Variants in RALGDS observed in about 807,000 individuals in gnomAD.
RALGDS encodes ral guanine nucleotide dissociation stimulator.
In RALGDS, 44 loss-of-function variants were observed where a neutral mutation model predicts 99.8. The ratio of observed to expected loss-of-function variants is 0.44; its 90% confidence interval spans 0.35 to 0.57. The LOEUF (loss-of-function observed/expected upper bound fraction) is 0.57, where lower values mean the gene tolerates loss of function less well. Ranked by LOEUF, RALGDS falls within the 20% of genes least tolerant of loss-of-function variation. The probability of loss-of-function intolerance (pLI) is 0.01; values close to 1 mark genes in which losing one functional copy is unlikely to be tolerated. For synonymous variants in RALGDS, 529 were observed against 505.0 expected, an observed-to-expected ratio of 1.05 and a Z score of -0.64; for missense variants, 1,022 against 1,203.1, an observed-to-expected ratio of 0.85 and a Z score of 2.23.
rs1401542703 is a variant in RALGDS, at chr9:133,107,085, C to T, written c.1413G>A (p.Arg471=). Residue 471 remains arginine, a splice_region_variant and synonymous_variant, in exon 7 of 18, where the codon AGG becomes AGA. Coordinates refer to ENST00000372050, the MANE Select transcript of RALGDS (RefSeq NM_006266.4). ...GGCCCAGGCCCCTCCTCTGGCATAC[C>T]CTGGCCACCTCGATCCAGTGCTCCA... The part of the protein sequence containing the change: ...RVVEHWIEVA[R]ECRILKNFSS... The T allele has an allele frequency of 6.2e-7, 1 of 1,613,400 alleles. No homozygotes were observed. The highest frequency in any genetic ancestry group is 2.2e-5 in the East Asian group (1 of 44,886).
intron 10 of RALGDS, 38 bp downstream of exon 10, chr9:133,104,225 C>T: frequency 1.3e-6 from 2 of 1,583,596 alleles, no homozygotes; most frequent in Admixed American, 1.7e-5. Flanking sequence ...TACCCCCAGG[C>T]CAGCCCCCTG....
chr9:133,099,999 T>C, intron 17 of RALGDS: 1 of 533,886 alleles, frequency 1.9e-6, no homozygotes, highest in South Asian at 2.1e-5. Context: ...GTGGCTAACC[T>C]GTCCCAGTGA....
chr9:133,103,880 C>T (rs991782670), intron 10 of RALGDS, 47 bp from the exon 11 acceptor site: 1 of 1,565,818 alleles, frequency 6.4e-7, no homozygotes. Context: ...CCCCTGAAGG[C>T]TTTCTCAGCC....
At chr9:133,136,915 G>A (rs1426048101) in intron 1 of RALGDS, among the ~76,000 whole-genome samples, 1 of 152,094 alleles carries the variant, frequency 6.6e-6, no homozygotes, top group Non-Finnish European at 1.5e-5. Context: ...CTCCAGCCTA[G>A]GCGACAGAGC....
intron 1 of RALGDS, among the ~76,000 whole-genome samples, chr9:133,143,771 T>TAATAATAATAACAAC (rs1554745676): frequency 7.2e-5 from 8 of 111,606 alleles, no homozygotes; most frequent in South Asian, 5.9e-4. Flanking sequence ...ATAATAATAA[T>TAATAATAATAACAAC]AACAACAACA....
intron 3 of RALGDS, among the ~76,000 whole-genome samples, chr9:133,109,985 G>A (rs73662452): frequency 0.039 from 5,878 of 152,188 alleles, 387 homozygotes; most frequent in African/African-American, 0.13. Flanking sequence ...AAACTGCTTC[G>A]CCCAAGGCCA....
At chr9:133,145,280 C>T (rs1008588866) in intron 1 of RALGDS, among the ~76,000 whole-genome samples, 1 of 152,214 alleles carries the variant, frequency 6.6e-6, no homozygotes, top group Non-Finnish European at 1.5e-5. Flanking sequence ...GAATCAACCA[C>T]GACCACAGGA....
intron 1 of RALGDS, among the ~76,000 whole-genome samples, chr9:133,112,758 G>A (rs1831412170): frequency 6.6e-6 from 1 of 152,192 alleles, no homozygotes. Flanking sequence ...GCCCAGGTCT[G>A]GGCAGGTGTG....
intron 11 of RALGDS, 35 bp from the exon 12 acceptor site, chr9:133,103,297 G>A (rs1384755224): frequency 6.2e-7 from 1 of 1,613,364 alleles, no homozygotes. Flanking sequence ...GTCAGAAAGT[G>A]ACCCCTTGAC....
chr9:133,137,212 G>A (rs1299955808), intron 1 of RALGDS, among the ~76,000 whole-genome samples: 2 of 152,232 alleles, frequency 1.3e-5, no homozygotes, highest in African/African-American at 2.4e-5. Context: ...CAGCCTGGGC[G>A]ACAGAGCAAG....
chr9:133,115,381 C>T (rs1272993390), intron 1 of RALGDS, among the ~76,000 whole-genome samples: 3 of 152,188 alleles, frequency 2.0e-5, no homozygotes, highest in African/African-American at 7.2e-5. Context: ...CTCCCCGGGC[C>T]TGTGTGTGGA....
At position 133,101,516 on chromosome 9, in the gene RALGDS, T is replaced by C; in HGVS notation, c.2454+4A>G. 1 of 1,611,690 alleles carries C rather than the reference T, an allele frequency of 6.2e-7. No homozygotes were observed. Among genetic ancestry groups the C allele is most frequent in the South Asian group, 1.1e-5 (1 of 91,066 alleles). On this transcript the variant is annotated splice_donor_region_variant and intron_variant, in intron 16 of 17. Coordinates refer to ENST00000372050, the MANE Select transcript of RALGDS (RefSeq NM_006266.4). ...AGGCACCCAGGCCACCCCCGCCGGCTTACCAGGATGCTCTTGTACATGTTG... is the reference window on the plus strand; with the variant it reads ...AGGCACCCAGGCCACCCCCGCCGGCCTACCAGGATGCTCTTGTACATGTTG...
chr9:133,144,632 T>C lies in RALGDS; in HGVS notation c.18+4331A>G, dbSNP rs577417347. Among the ~76,000 whole-genome samples, 3 of 152,222 alleles carry C rather than the reference T, an allele frequency of 2.0e-5. No homozygotes were observed. Among genetic ancestry groups the C allele is most frequent in the African/African-American group, 7.2e-5 (3 of 41,466 alleles). On this transcript the variant is annotated intron_variant, in intron 1 of 17. Coordinates refer to the RALGDS transcript ENST00000393160. This position sits in a 1 kb window ranked among gnomAD's most constrained non-coding sequence, Gnocchi z 4.5. ...GTGCTGCCGCCAGAGCGCGCCAAGC[T>C]GAGGAGCAGGCGGGCTCCGCTCACG...
chr9:133,120,188 C>A (rs1831848222), intron 1 of RALGDS, among the ~76,000 whole-genome samples: 1 of 152,166 alleles, frequency 6.6e-6, no homozygotes, highest in African/African-American at 2.4e-5. Flanking sequence ...ACCCAGAGAC[C>A]CAGGGCACAC....
intron 1 of RALGDS, among the ~76,000 whole-genome samples, chr9:133,116,966 C>A (rs576455982): frequency 6.6e-6 from 1 of 152,208 alleles, no homozygotes; most frequent in Non-Finnish European, 1.5e-5. Context: ...ACAGCAAATT[C>A]GCAGGGGAGG....
At chr9:133,111,153 G>A (rs1161761075) in intron 2 of RALGDS, among the ~76,000 whole-genome samples, 4 of 152,242 alleles carry the variant, frequency 2.6e-5, no homozygotes, top group Admixed American at 6.5e-5. Context: ...TGTTAGCTGA[G>A]TAATGGTAGC....
chr9:133,132,840 T>C (rs961816141), upstream of RALGDS, among the ~76,000 whole-genome samples: 5 of 152,082 alleles, frequency 3.3e-5, no homozygotes, highest in African/African-American at 1.2e-4. Flanking sequence ...GGGTTTTACA[T>C]GTTGGCCAGG....
chr9:133,113,586 C>CTG (rs149291054), intron 1 of RALGDS, among the ~76,000 whole-genome samples: 133 of 152,354 alleles, frequency 8.7e-4, no homozygotes, highest in Non-Finnish European at 1.4e-3. Flanking sequence ...CAGGGGAGGT[C>CTG]TGGCCCTTCC....
At chr9:133,108,888 C>T (rs1396883808) in intron 4 of RALGDS, 22 bp from the exon 5 acceptor site, 3 of 1,597,136 alleles carry the variant, frequency 1.9e-6, no homozygotes, top group Non-Finnish European at 2.6e-6. Context: ...TGGGTGGCAG[C>T]AGAGTCAGAG....
Sources: allele counts gnomAD v4.1 joint callset (sites outside exome capture counted in the v4.1 genomes callset), GRCh38; gene constraint gnomAD v4.1.1; non-coding constraint Gnocchi (gnomAD v3.1); transcripts MANE v1.5; gene names NCBI Gene and HGNC (gene_info 2026-07-23, HGNC 2026-07-21).